Variants in ASXL2 observed in about 807,000 individuals in gnomAD.
The protein encoded by ASXL2 is putative Polycomb group protein ASXL2.
A neutral mutation model predicts 122.0 loss-of-function variants in ASXL2; 23 were observed. The ratio of observed to expected loss-of-function variants is 0.19; its 90% CI spans 0.14 to 0.27. The LOEUF (loss-of-function observed/expected upper bound fraction) is 0.27. Ranked by LOEUF, ASXL2 falls within the 10% of genes least tolerant of loss-of-function variation. The probability of loss-of-function intolerance (pLI) is 1.00; values close to 1 mark genes in which losing one functional copy is unlikely to be tolerated. For synonymous variants in ASXL2, 650 were observed against 637.0 expected, an observed-to-expected ratio of 1.02 and a Z score of -0.31; for missense variants, 1,518 against 1,713.8, an observed-to-expected ratio of 0.89 and a Z score of 2.02.
chr2:25,735,759 ACTTTAG>A lies in ASXL2; in HGVS notation c.*6264_*6269del, dbSNP rs1574384718. ...AGATTTCTTGAAATTTCTATAGACA[ACTTTAG>A]CTATTCCAACAATAGTTCTCAAAAA... On this transcript the variant is annotated 3_prime_UTR_variant, in exon 13 of 13. Transcript: ENST00000435504. 6.6e-6 allele frequency: 1 copy of A among 152,218 alleles called. No individual in the cohort carries two copies. Among genetic ancestry groups the A allele is most frequent in the African/African-American group, 2.4e-5 (1 of 41,460 alleles). The allele number at this position is 152,218 out of a possible 1,614,324, so 9.4% of individuals were successfully genotyped here. A position where few individuals can be genotyped will look rare whatever the true frequency, so the allele number is the denominator to read the frequency against.
chr2:25,831,905 C>T (rs968238935), intron 3 of ASXL2, among the ~76,000 whole-genome samples: 2 of 152,134 alleles, frequency 1.3e-5, no homozygotes, highest in Non-Finnish European at 2.9e-5. Context: ...GATTTCTCGC[C>T]TAAAACCACA....
intron 3 of ASXL2, among the ~76,000 whole-genome samples, chr2:25,824,793 G>A (rs78961587): frequency 1.3e-5 from 2 of 152,076 alleles, no homozygotes; most frequent in African/African-American, 2.4e-5. Context: ...TAACTTTTCC[G>A]GTAACTAATG....
In ASXL2 at chr2:25,742,710, G is replaced by A. The variant is rs371971079; in HGVS notation, c.3627C>T (p.Asp1209=). ...PQVSQSAGKG[D]TSSGPHSRET... is the part of the protein sequence containing the mutation. ...CCCTGCTGTGAGGTCCTGAACTTGTGTCACCCTTGCCAGCACTCTGGGAAA... is the reference window on the plus strand; with the variant it reads ...CCCTGCTGTGAGGTCCTGAACTTGTATCACCCTTGCCAGCACTCTGGGAAA... The change falls in exon 13 of 13, where the codon GAC becomes GAT. Residue 1209 remains aspartate (D), a synonymous_variant. Transcript: ENST00000435504. The A allele has an allele frequency of 2.6e-5, 42 of 1,613,966 alleles. 1 individual carries two copies. In the South Asian group the frequency reaches 2.6e-4, roughly 10 times the overall value.
Position 25,753,653 on chromosome 2 carries a change from A to G in ASXL2, c.1037-14T>C. On this transcript the variant is annotated splice_polypyrimidine_tract_variant and intron_variant, in intron 10 of 12. Coordinates refer to ENST00000435504, the MANE Select transcript of ASXL2 (RefSeq NM_018263.6). ...GTGTAAACTCACCTGCAATGTACCC[A>G]AAAAAGGATATTCAATAGAAAAATG... 1 of 1,568,960 alleles carries G rather than the reference A, an allele frequency of 6.4e-7. No individual in the cohort carries two copies. Among genetic ancestry groups the G allele is most frequent in the Non-Finnish European group, 8.7e-7 (1 of 1,147,848 alleles).
intron 3 of ASXL2, among the ~76,000 whole-genome samples, chr2:25,835,057 C>G (rs1326048843): frequency 6.6e-6 from 1 of 151,848 alleles, no homozygotes; most frequent in Non-Finnish European, 1.5e-5. Flanking sequence ...CTCCTGACCT[C>G]AAGTGATCCA....
At chr2:25,773,667 A>G (rs990888590) in intron 5 of ASXL2, among the ~76,000 whole-genome samples, 2 of 82,146 alleles carry the variant, frequency 2.4e-5, no homozygotes, top group Admixed American at 2.2e-4. Context: ...CTCCATCTCA[A>G]AAAAAAAAAA....
At position 25,759,706 on chromosome 2, in the gene ASXL2, G is replaced by T. The variant is rs976377521; in HGVS notation, c.776-61C>A. 10 of 1,529,152 alleles carry T rather than the reference G, an allele frequency of 6.5e-6. 1 individual carries two copies. Among genetic ancestry groups the T allele is most frequent in the Middle Eastern group, 3.5e-4 (2 of 5,742 alleles). The allele number at this position is 1,529,152 out of a possible 1,614,324, so 94.7% of individuals were successfully genotyped here. On this transcript the variant is annotated intron_variant, in intron 8 of 12. Coordinates refer to ENST00000435504, the MANE Select transcript of ASXL2 (RefSeq NM_018263.6). ...CACAAGTCCTGTTTCTATATAAACT[G>T]TAGCTTTCTGTGCAGTATAAAAAAT...
chr2:25,862,584 A>G (rs2089852359), intron 1 of ASXL2, among the ~76,000 whole-genome samples: 1 of 152,154 alleles, frequency 6.6e-6, no homozygotes, highest in Non-Finnish European at 1.5e-5. Context: ...AGGATAAAGA[A>G]TAATTTGTGG....
intron 5 of ASXL2, among the ~76,000 whole-genome samples, chr2:25,797,892 C>A (rs772176649): frequency 3.3e-5 from 5 of 152,182 alleles, no homozygotes; most frequent in Admixed American, 2.0e-4. Flanking sequence ...TAGCATTTAC[C>A]CAAAGGTGCT....
At chr2:25,809,972 C>G in intron 3 of ASXL2, 1 of 527,928 alleles carries the variant, frequency 1.9e-6, no homozygotes, top group Non-Finnish European at 3.8e-6. Context: ...ATCCTTTGTA[C>G]AGAGTGCCCC....
In ASXL2 at chr2:25,785,375, C is replaced by T. The variant is rs181265038; in HGVS notation, c.404-13835G>A. Among the ~76,000 whole-genome samples, 319 of 152,052 alleles carry T rather than the reference C, an allele frequency of 2.1e-3. 3 individuals are homozygous for T. In the Middle Eastern group the frequency reaches 0.027, roughly 13 times the overall value. On this transcript the variant is annotated intron_variant, in intron 5 of 12. Coordinates refer to ENST00000435504, the MANE Select transcript of ASXL2 (RefSeq NM_018263.6). The stretch of plus-strand genomic sequence containing the variant: ...GAGTAGCTGGGATTACAGGCACCCG[C>T]CTCCATGTCAGGCCGATTTCTTTAT...
chr2:25,737,436 G>A lies in ASXL2; in HGVS notation c.*4593C>T, dbSNP rs1231704959. On this transcript the variant is annotated 3_prime_UTR_variant, in exon 13 of 13. Coordinates refer to ENST00000435504, the MANE Select transcript of ASXL2 (RefSeq NM_018263.6). The stretch of plus-strand genomic sequence containing the variant: ...TTCACTTTTCCAGTAATGTTAGGGG[G>A]TTAGGAGACAAAACAGATTAAGGGA... 2 of 152,094 alleles carry A rather than the reference G, an allele frequency of 1.3e-5. No individual in the cohort carries two copies. Among genetic ancestry groups the A allele is most frequent in the African/African-American group, 4.8e-5 (2 of 41,412 alleles). 9.4% of individuals were successfully genotyped at this position (152,094 alleles called of 1,614,324 possible). A position where few individuals can be genotyped will look rare whatever the true frequency, so the allele number is the denominator to read the frequency against.
At chr2:25,861,423 G>A (rs2089842062) in intron 1 of ASXL2, among the ~76,000 whole-genome samples, 2 of 152,150 alleles carry the variant, frequency 1.3e-5, no homozygotes, top group African/African-American at 2.4e-5. Flanking sequence ...AGAAAAAACA[G>A]ATAATCTGAA....
At chr2:25,877,414 AGG>A (rs968873170) in intron 1 of ASXL2, among the ~76,000 whole-genome samples, 128 of 152,330 alleles carry the variant, frequency 8.4e-4, no homozygotes, top group African/African-American at 3.0e-3. Context: ...TAACACAATT[AGG>A]GGGAAAATTG....
At chr2:25,843,616 G>A (rs573173668) in intron 2 of ASXL2, among the ~76,000 whole-genome samples, 1 of 152,014 alleles carries the variant, frequency 6.6e-6, no homozygotes, top group South Asian at 2.1e-4. Context: ...AACTGCTTTA[G>A]AAAGGGAGAG....
chr2:25,859,419 ACTAG>A (rs2089819704), intron 1 of ASXL2, among the ~76,000 whole-genome samples: 1 of 152,286 alleles, frequency 6.6e-6, no homozygotes, highest in East Asian at 1.9e-4. Context: ...ATGTGGCAAA[ACTAG>A]TGATTTCATA....
chr2:25,835,637 C>T, intron 2 of ASXL2, 97 bp from the exon 3 acceptor site: 1 of 223,206 alleles, frequency 4.5e-6, no homozygotes, highest in Non-Finnish European at 9.8e-6. Flanking sequence ...TTAAACTGTC[C>T]CTTCCCATCC....
intron 5 of ASXL2, among the ~76,000 whole-genome samples, chr2:25,798,233 T>G (rs570208548): frequency 6.6e-6 from 1 of 152,040 alleles, no homozygotes; most frequent in African/African-American, 2.4e-5. Flanking sequence ...TAGGCTTAAT[T>G]CCTGGGTGAT....
At chr2:25,766,411 A>G (rs141104229) in intron 8 of ASXL2, among the ~76,000 whole-genome samples, 1 of 152,308 alleles carries the variant, frequency 6.6e-6, no homozygotes, top group East Asian at 1.9e-4. Flanking sequence ...GAGACATTGT[A>G]CGACCTAGAT....
Sources: allele counts gnomAD v4.1 joint callset (sites outside exome capture counted in the v4.1 genomes callset), GRCh38; gene constraint gnomAD v4.1.1; transcripts MANE v1.5; gene names NCBI Gene and HGNC (gene_info 2026-07-23, HGNC 2026-07-21).